Variants in SLC15A2 observed in about 807,000 individuals in gnomAD.
SLC15A2 encodes kidney H(+)/peptide cotransporter.
In SLC15A2, 77 loss-of-function variants were observed where a neutral mutation model predicts 95.5. The ratio of observed to expected loss-of-function variants is 0.81; its 90% CI spans 0.67 to 0.97. The LOEUF (loss-of-function observed/expected upper bound fraction) is 0.97, where lower values mean the gene tolerates loss of function less well. SLC15A2 is among the 50% of genes least tolerant of loss of function. The probability of loss-of-function intolerance (pLI) is 0.00; values close to 1 mark genes in which losing one functional copy is unlikely to be tolerated. For synonymous variants in SLC15A2, 306 were observed against 306.9 expected (o/e 1.00, Z 0.03); for missense variants, 893 against 874.4 (o/e 1.02, Z -0.27).
Position 121,941,979 on chromosome 3 carries a change from T to C in SLC15A2, c.*972T>C, listed in dbSNP as rs552847936. The C allele has an allele frequency of 5.9e-5, 9 of 152,382 alleles. No individual in the cohort carries two copies. Among genetic ancestry groups the C allele is most frequent in the African/African-American group, 2.2e-4 (9 of 41,594 alleles). The allele number at this position is 152,382 out of a possible 1,614,324, so 9.4% of individuals were successfully genotyped here. A position where few individuals can be genotyped will look rare whatever the true frequency, so the allele number is the denominator to read the frequency against. Reference sequence around the variant, plus strand: ...CTATAAGTCCAACTTCCTTTATTAATGTTTCCATTTAGCCTCAAAAATATC... The same window carrying C: ...CTATAAGTCCAACTTCCTTTATTAACGTTTCCATTTAGCCTCAAAAATATC... On this transcript the variant is annotated 3_prime_UTR_variant, in exon 22 of 22. Transcript: ENST00000489711.
intron 3 of SLC15A2, among the ~76,000 whole-genome samples, chr3:121,898,161 CAA>C (rs60394236): frequency 1.2e-4 from 17 of 140,420 alleles, no homozygotes; most frequent in South Asian, 9.2e-4. Context: ...GACTCTGTCT[CAA>C]AAAAAAAAAA....
chr3:121,927,969 A>T (rs1251954696), intron 14 of SLC15A2, 130 bp downstream of exon 14: 1 of 680,798 alleles, frequency 1.5e-6, no homozygotes, highest in Admixed American at 2.6e-5. Context: ...CATCATAAGT[A>T]TTTGTGATAA....
chr3:121,915,061 A>G (rs1453649236), intron 5 of SLC15A2, 166 bp from the exon 6 acceptor site: 2 of 1,219,076 alleles, frequency 1.6e-6, no homozygotes, highest in Non-Finnish European at 2.2e-6. Flanking sequence ...GATTGGGGTC[A>G]GCCAGCAATG....
chr3:121,933,770 G>T (rs1710281235), intron 19 of SLC15A2, among the ~76,000 whole-genome samples: 1 of 150,920 alleles, frequency 6.6e-6, no homozygotes. Context: ...AGTTTAATTA[G>T]ATCCCATTTG....
At chr3:121,928,845 A>T in intron 15 of SLC15A2, 137 bp from the exon 16 acceptor site, 1 of 934,604 alleles carries the variant, frequency 1.1e-6, no homozygotes, top group Non-Finnish European at 1.6e-6. Context: ...CCAAGAAATA[A>T]AATGGCTAGG....
intron 19 of SLC15A2, among the ~76,000 whole-genome samples, chr3:121,935,418 A>C (rs551619850): frequency 2.0e-5 from 3 of 152,260 alleles, no homozygotes; most frequent in East Asian, 3.9e-4. Context: ...TTGGTAAGCT[A>C]TTGATTATTG....
chr3:121,908,343 G>T (rs1709697098), intron 3 of SLC15A2, among the ~76,000 whole-genome samples: 1 of 152,228 alleles, frequency 6.6e-6, no homozygotes, highest in South Asian at 2.1e-4. Flanking sequence ...CTTCCTGGGT[G>T]AGGCAATGCT....
intron 7 of SLC15A2, among the ~76,000 whole-genome samples, chr3:121,917,337 G>A (rs938993745): frequency 4.6e-5 from 7 of 152,170 alleles, no homozygotes; most frequent in African/African-American, 1.7e-4. Flanking sequence ...GATCAATATA[G>A]TGTGATCTAG....
chr3:121,928,167 A>G (rs1710158922), intron 14 of SLC15A2: 1 of 551,756 alleles, frequency 1.8e-6, no homozygotes, highest in Non-Finnish European at 3.2e-6. Flanking sequence ...TTGAATAGCC[A>G]CTATTACGGA....
At position 121,894,580 on chromosome 3, in the gene SLC15A2, C is replaced by A; in HGVS notation, c.104C>A (p.Pro35Gln). The change falls in exon 1 of 22, where the codon CCG (proline) becomes CAG (glutamine). Residue 35 changes from proline to glutamine, a missense_variant and splice_region_variant. Coordinates refer to ENST00000489711, the MANE Select transcript of SLC15A2 (RefSeq NM_021082.4). ...RPPSPPKKPS[P>Q]TICGSNYPLS... ...CCTAGCCCTCCAAAGAAGCCATCTC[C>A]GGTGAGTCCTTAGATTCAATCCTGC... 1 of 1,611,598 alleles carries A rather than the reference C, an allele frequency of 6.2e-7. No homozygotes were observed.
intron 19 of SLC15A2, among the ~76,000 whole-genome samples, chr3:121,932,104 G>A (rs1473390637): frequency 7.7e-4 from 117 of 152,056 alleles, no homozygotes; most frequent in African/African-American, 2.6e-3. Flanking sequence ...GGGTTTTGCC[G>A]TGTTGGCCAG....
At chr3:121,921,283 G>A (rs1369995367) in intron 7 of SLC15A2, among the ~76,000 whole-genome samples, 1 of 152,172 alleles carries the variant, frequency 6.6e-6, no homozygotes, top group East Asian at 1.9e-4. Flanking sequence ...TGAGGACAGG[G>A]ACCTTGTTTT....
rs144251380 is a variant in SLC15A2, at chr3:121,928,469, T to C, written c.1255T>C (p.Leu419=). The change falls in exon 15 of 22, where the codon TTG becomes CTG. Residue 419 remains leucine, a synonymous_variant. Coordinates refer to ENST00000489711, the MANE Select transcript of SLC15A2 (RefSeq NM_021082.4). ...TCCCCAGGAGGTTTTCCTACAAGTC[T>C]TGAATCTGGCAGATGATGAGGTGAA... The part of the protein sequence containing the change: ...PGPQEVFLQV[L]NLADDEVKVT... 1.2e-6 allele frequency: 2 copies of C among 1,614,150 alleles called. No individual in the cohort carries two copies. Among genetic ancestry groups the C allele is most frequent in the Non-Finnish European group, 1.7e-6 (2 of 1,179,986 alleles).
At chr3:121,904,152 G>T (rs1157847784) in intron 3 of SLC15A2, among the ~76,000 whole-genome samples, 2 of 152,084 alleles carry the variant, frequency 1.3e-5, no homozygotes, top group African/African-American at 2.4e-5. Context: ...CTCTCTGTTT[G>T]TCTGTTATTG....
intron 21 of SLC15A2, 47 bp from the exon 22 acceptor site, chr3:121,940,784 A>T: frequency 6.4e-7 from 1 of 1,560,426 alleles, no homozygotes; most frequent in Non-Finnish European, 8.7e-7. Context: ...AGATCTCTTT[A>T]GTTTCAGGTT....
At chr3:121,911,694 CT>C in intron 4 of SLC15A2, 28 bp downstream of exon 4, 5 of 1,342,340 alleles carry the variant, frequency 3.7e-6, no homozygotes, top group Non-Finnish European at 5.4e-6. Flanking sequence ...ATCAACTAAA[CT>C]ACTTTTCTCA....
rs1286499537 is a variant in SLC15A2 at position 121,942,092 on chromosome 3, C to A, written c.*1085C>A. The A allele has an allele frequency of 6.6e-6, 1 of 152,046 alleles. No homozygotes were observed. The highest frequency in any genetic ancestry group is 1.9e-4 in the East Asian group (1 of 5,192). 9.4% of individuals were successfully genotyped at this position (152,046 alleles called of 1,614,324 possible). A position where few individuals can be genotyped will look rare whatever the true frequency, so the allele number is the denominator to read the frequency against. On this transcript the variant is annotated 3_prime_UTR_variant, in exon 22 of 22. Transcript: ENST00000489711. ...TTCTGCCTTGAAGCCTAGAAATTTT[C>A]TTTTTATTCAAAAAAAGTTACATTA...
Position 121,929,087 on chromosome 3 carries a change from G to C in SLC15A2, c.1447G>C (p.Glu483Gln). ...LSLYTEHSVQ[E>Q]KNWYSLVIRE... is the part of the protein sequence containing the mutation. ...TCTCTACACTGAGCATTCTGTGCAGGAGAAGAACTGGTACAGTCTTGTCAT... is the reference window on the plus strand; with the variant it reads ...TCTCTACACTGAGCATTCTGTGCAGCAGAAGAACTGGTACAGTCTTGTCAT... Residue 483 changes from glutamate (E) to glutamine (Q), a missense_variant, in exon 16 of 22, where the codon GAG becomes CAG. Glu to Gln is a conservative substitution (Grantham distance 29, BLOSUM62 2). Transcript: ENST00000489711. The C allele has an allele frequency of 6.2e-7, 1 of 1,614,098 alleles. No homozygotes were observed. The highest frequency in any genetic ancestry group is 8.5e-7 in the Non-Finnish European group (1 of 1,179,954).
intron 3 of SLC15A2, among the ~76,000 whole-genome samples, chr3:121,901,797 G>A (rs895250939): frequency 6.6e-6 from 1 of 151,456 alleles, no homozygotes; most frequent in Non-Finnish European, 1.5e-5. Context: ...GTTTCAAACC[G>A]TTAAGTTCTT....
Sources: allele counts gnomAD v4.1 joint callset (sites outside exome capture counted in the v4.1 genomes callset), GRCh38; gene constraint gnomAD v4.1.1; transcripts MANE v1.5; gene names NCBI Gene and HGNC (gene_info 2026-07-23, HGNC 2026-07-21).